The following ITGA1 variants were observed in gnomAD, a reference collection of about 807,000 sequenced individuals.
ITGA1 encodes integrin alpha-1.
Under a neutral mutation model 145.9 loss-of-function variants are expected in ITGA1, and 85 were observed. The ratio of observed to expected loss-of-function variants is 0.58; its 90% CI spans 0.49 to 0.70. The LOEUF is 0.70. Among genes scored for constraint, ITGA1 ranks in the 30% least tolerant of loss-of-function variants. ITGA1 has a pLI of 0.00. For missense variants in ITGA1, 1,351 were observed against 1,418.7 expected (o/e 0.95, Z 0.77); for synonymous variants, 520 against 495.3 (o/e 1.05, Z -0.66).
intron 7 of ITGA1, among the ~76,000 whole-genome samples, chr5:52,884,179 C>T (rs11957427): frequency 0.025 from 3,839 of 152,174 alleles, 185 homozygotes; most frequent in African/African-American, 0.089. Context: ...TGCAGTGGCT[C>T]GTGCCTGTAA....
At position 52,941,239 on chromosome 5, in the gene ITGA1, T is replaced by G. The variant is rs560899917; in HGVS notation, c.3285+1295T>G. On this transcript the variant is annotated intron_variant, in intron 26 of 28. Transcript: ENST00000282588. The stretch of plus-strand genomic sequence containing the variant: ...GTTGTGAATAGCACTGCAATGAAGA[T>G]ATGACCGCACGTGTCTTTTTGGTAA... 3.3e-5 allele frequency among the ~76,000 whole-genome samples: 5 copies of G among 152,348 alleles called. No homozygotes were observed. The South Asian group carries it at 1.0e-3, about 32-fold the overall frequency.
intron 14 of ITGA1, among the ~76,000 whole-genome samples, chr5:52,914,774 G>T (rs1750617321): frequency 6.6e-6 from 1 of 152,130 alleles, no homozygotes; most frequent in African/African-American, 2.4e-5. Flanking sequence ...GCTTGCCATG[G>T]GCTTCTGTTA....
intron 21 of ITGA1, among the ~76,000 whole-genome samples, chr5:52,930,850 G>C (rs1750884944): frequency 6.6e-6 from 1 of 152,082 alleles, no homozygotes; most frequent in Non-Finnish European, 1.5e-5. Flanking sequence ...TGTCAGTCAA[G>C]GTATTATTTC....
At chr5:52,883,006 G>A (rs972400705) in intron 7 of ITGA1, 3 of 152,138 alleles carry the variant, frequency 2.0e-5, no homozygotes, top group African/African-American at 7.2e-5. Flanking sequence ...ATAATTTCAT[G>A]TACAGCTTTT....
intron 22 of ITGA1, chr5:52,933,052 CGTT>C (rs1561253414): frequency 6.6e-6 from 1 of 151,830 alleles, no homozygotes; most frequent in Non-Finnish European, 1.5e-5. Context: ...CGCTTGGAGA[CGTT>C]GTGATGCAAG....
chr5:52,825,244 G>A (rs1748941529), intron 1 of ITGA1: 2 of 152,150 alleles, frequency 1.3e-5, no homozygotes, highest in African/African-American at 2.4e-5. Context: ...TTAGTGTGAT[G>A]TTTTCAAGAT....
chr5:52,828,211 T>C (rs1270016405), intron 1 of ITGA1, among the ~76,000 whole-genome samples: 1 of 152,194 alleles, frequency 6.6e-6, no homozygotes, highest in Non-Finnish European at 1.5e-5. Context: ...ATGTGTAACT[T>C]TTTGAAGAAC....
Position 52,883,456 on chromosome 5 carries a change from C to T in ITGA1, c.773+1435C>T, listed in dbSNP as rs530584275. The stretch of plus-strand genomic sequence containing the variant: ...CAGAGTTTATTGAATTTTGATTATA[C>T]ATTAAAATTCTGTAGTGATAGTACC... On this transcript the variant is annotated intron_variant, in intron 7 of 28. Coordinates refer to ENST00000282588, the MANE Select transcript of ITGA1 (RefSeq NM_181501.2). Among the ~76,000 whole-genome samples the T allele has an allele frequency of 4.6e-5, 7 of 152,296 alleles. 1 individual carries two copies. Among genetic ancestry groups the T allele is most frequent in the African/African-American group, 1.4e-4 (6 of 41,564 alleles).
rs1751318035 is a variant in ITGA1, at chr5:52,957,194, A to G, written c.*4743A>G. 6.6e-6 allele frequency: 1 copy of G among 152,154 alleles called. No homozygotes were observed. Among genetic ancestry groups the G allele is most frequent in the South Asian group, 2.1e-4 (1 of 4,820 alleles). 9.4% of individuals were successfully genotyped at this position (152,154 alleles called of 1,614,324 possible). ...GTGAAGTAGCATCTGGAGTCTCTTA[A>G]GCCCCAGCCCTGTTGTCCCCTACAG... On this transcript the variant is annotated 3_prime_UTR_variant, in exon 29 of 29. Coordinates refer to ENST00000282588, the MANE Select transcript of ITGA1 (RefSeq NM_181501.2).
At chr5:52,939,419 T>C (rs1395923274) in intron 24 of ITGA1, among the ~76,000 whole-genome samples, 171 bp from the exon 25 acceptor site, 1 of 152,198 alleles carries the variant, frequency 6.6e-6, no homozygotes, top group African/African-American at 2.4e-5. Flanking sequence ...TGGATATATA[T>C]GTATGTATGG....
At chr5:52,896,105 C>A (rs576469579) in intron 9 of ITGA1, among the ~76,000 whole-genome samples, 1 of 152,178 alleles carries the variant, frequency 6.6e-6, no homozygotes, top group African/African-American at 2.4e-5. Context: ...TAACCAGAGG[C>A]TGCACAGTGG....
chr5:52,834,589 G>GAAGAAAGAAAGAA (rs797000772), intron 1 of ITGA1, among the ~76,000 whole-genome samples: 5 of 73,644 alleles, frequency 6.8e-5, no homozygotes, highest in South Asian at 6.0e-4. Context: ...AAGAAAGAGA[G>GAAGAAAGAAAGAA]AGAGAGAAGA....
chr5:52,931,472 A>G (rs994961468), intron 21 of ITGA1: 2 of 152,242 alleles, frequency 1.3e-5, no homozygotes, highest in African/African-American at 4.8e-5. Context: ...ATGTGTTTAC[A>G]TAATATATAA....
chr5:52,893,647 T>C, intron 8 of ITGA1, 28 bp from the exon 9 acceptor site: 1 of 1,587,176 alleles, frequency 6.3e-7, no homozygotes, highest in East Asian at 2.2e-5. Context: ...ATTTAAAATA[T>C]ATTCTTGCTG....
chr5:52,899,584 A>T (rs901293027), intron 11 of ITGA1, among the ~76,000 whole-genome samples: 1 of 152,158 alleles, frequency 6.6e-6, no homozygotes, highest in African/African-American at 2.4e-5. Context: ...CACATACTAC[A>T]AGGAGAAAAT....
chr5:52,793,561 T>C (rs1216368860), intron 1 of ITGA1, among the ~76,000 whole-genome samples: 1 of 152,120 alleles, frequency 6.6e-6, no homozygotes, highest in Non-Finnish European at 1.5e-5. Context: ...CGTCTGAAAA[T>C]TACAATCAAT....
intron 26 of ITGA1, among the ~76,000 whole-genome samples, chr5:52,940,205 T>A (rs991079306): frequency 6.6e-6 from 1 of 152,176 alleles, no homozygotes; most frequent in Non-Finnish European, 1.5e-5. Flanking sequence ...CTTTGTACTT[T>A]AAGAGATAAA....
Position 52,908,889 on chromosome 5 carries a change from G to A in ITGA1, c.1456-9G>A. The A allele has an allele frequency of 6.2e-7, 1 of 1,612,014 alleles. No homozygotes were observed. The highest frequency in any genetic ancestry group is 8.5e-7 in the Non-Finnish European group (1 of 1,179,118). On this transcript the variant is annotated splice_polypyrimidine_tract_variant and intron_variant, in intron 12 of 28. Coordinates refer to ENST00000282588, the MANE Select transcript of ITGA1 (RefSeq NM_181501.2). ...TCATTGGGCTGTTTTGTTTCATTTT[G>A]TGTCCTAGATTGGTTCCTACTTTGG...
At chr5:52,930,330 A>T (rs1750876484) in intron 21 of ITGA1, among the ~76,000 whole-genome samples, 1 of 152,164 alleles carries the variant, frequency 6.6e-6, no homozygotes, top group Admixed American at 6.6e-5. Flanking sequence ...GAAATGAATA[A>T]ATTAGAGAAA....
Sources: allele counts gnomAD v4.1 joint callset (sites outside exome capture counted in the v4.1 genomes callset), GRCh38; gene constraint gnomAD v4.1.1; transcripts MANE v1.5; gene names NCBI Gene and HGNC (gene_info 2026-07-23, HGNC 2026-07-21).